Variants in STOML2 observed in about 807,000 individuals in gnomAD.
STOML2 encodes stomatin-like protein 2, mitochondrial.
STOML2 carries 22 observed loss-of-function variants against 45.7 expected under a neutral mutation model. That is an observed-to-expected ratio of 0.48 (90% CI 0.34 to 0.69). STOML2 has a LOEUF of 0.69. STOML2 is among the 30% of genes least tolerant of loss of function. The pLI is 0.01. For missense variants in STOML2, 359 were observed against 466.9 expected, an observed-to-expected ratio of 0.77 and a Z score of 2.13; for synonymous variants, 181 against 182.7, an observed-to-expected ratio of 0.99 and a Z score of 0.08.
rs144686869 is a variant in STOML2 at position 35,101,258 on chromosome 9, G to A, written c.601C>T (p.Arg201Trp). The change falls in exon 7 of 10, where the codon CGG (arginine) becomes TGG (tryptophan). Residue 201 changes from arginine to tryptophan, a missense_variant. Physicochemically the swap from Arg to Trp is moderately radical, Grantham distance 101. Transcript: ENST00000356493. This position sits in a 1 kb window ranked among gnomAD's most constrained non-coding sequence, Gnocchi z 4.3. ...QMQVEAERRKRATVLESEGTR... is the reference protein window; with the variant it reads ...QMQVEAERRKWATVLESEGTR... The stretch of plus-strand genomic sequence containing the variant: ...CCCTCAGACTCTAGAACTGTGGCCC[G>A]TTTCCGCCGCTCTGCCTCCACCTGG... 158 of 1,613,992 alleles carry A rather than the reference G, an allele frequency of 9.8e-5. No homozygotes were observed. Among genetic ancestry groups the A allele is most frequent in the Non-Finnish European group, 2.2e-5 (26 of 1,180,048 alleles).
At chr9:35,103,135 C>T, upstream of STOML2, 3 of 1,608,352 alleles carry the variant, frequency 1.9e-6, no homozygotes, top group Non-Finnish European at 8.5e-7. Flanking sequence ...ACGAGACGAG[C>T]GGAGCGGTCG....
chr9:35,101,644 T>G lies in STOML2; in HGVS notation c.444+66A>C. On this transcript the variant is annotated intron_variant, in intron 5 of 9. Transcript: ENST00000356493. The surrounding 1 kb of genome is among the most constrained non-coding windows in gnomAD (Gnocchi z 4.3). ...GAAGGGCCTGGGACTGATCTTGACCTTCAGAAAAGATTAAGAGTGTCAGGT... is the reference window on the plus strand; with the variant it reads ...GAAGGGCCTGGGACTGATCTTGACCGTCAGAAAAGATTAAGAGTGTCAGGT... 6.2e-7 allele frequency: 1 copy of G among 1,613,664 alleles called. No homozygotes were observed.
chr9:35,101,621 A>T lies in STOML2; in HGVS notation c.445-61T>A. The T allele has an allele frequency of 1.9e-6, 3 of 1,613,934 alleles. No individual in the cohort carries two copies. The highest frequency in any genetic ancestry group is 2.5e-6 in the Non-Finnish European group (3 of 1,179,994). ...TACCTATCAAGGGCCTACACTGAGA[A>T]GGGCCTGGGACTGATCTTGACCTTC... On this transcript the variant is annotated intron_variant, in intron 5 of 9. Transcript: ENST00000356493. The surrounding 1 kb of genome is among the most constrained non-coding windows in gnomAD (Gnocchi z 4.3).
rs1422415315 is a variant in STOML2, at chr9:35,100,924, C to T, written c.804+8G>A. 1.2e-6 allele frequency: 2 copies of T among 1,614,194 alleles called. No individual in the cohort carries two copies. Among genetic ancestry groups the T allele is most frequent in the Non-Finnish European group, 8.5e-7 (1 of 1,180,042 alleles). ...TCCTGTCCCCATTCCCACCCAGGGG[C>T]CTCTCACATGTTGTGTCAGAGCTGC... On this transcript the variant is annotated splice_region_variant and intron_variant, in intron 8 of 9. Coordinates refer to ENST00000356493, the MANE Select transcript of STOML2 (RefSeq NM_013442.3).
At position 35,101,358 on chromosome 9, in the gene STOML2, G is replaced by A. The variant is rs776661124; in HGVS notation, c.579+68C>T. ...TGCAACTCTACCCATCATAACAGGA[G>A]GGAAGTCTGGATCCTCCTGGTACTG... is the stretch of plus-strand genomic sequence containing the variant. On this transcript the variant is annotated intron_variant, in intron 6 of 9. Coordinates refer to ENST00000356493, the MANE Select transcript of STOML2 (RefSeq NM_013442.3). This position sits in a 1 kb window ranked among gnomAD's most constrained non-coding sequence, Gnocchi z 4.3. The A allele has an allele frequency of 4.2e-5, 68 of 1,609,284 alleles. No individual in the cohort carries two copies. Among genetic ancestry groups the A allele is most frequent in the African/African-American group, 6.8e-5 (5 of 73,902 alleles).
rs772218681 is a variant in STOML2 at position 35,101,940 on chromosome 9, A to G, written c.306T>C (p.Asp102=). Reference sequence around the variant, plus strand: ...CCATGATGCGCAGGTAAAGGACTCCATCGATTTGCAGAGTTACATTGTCTG... The same window carrying G: ...CCATGATGCGCAGGTAAAGGACTCCGTCGATTTGCAGAGTTACATTGTCTG... ...VTLDNVTLQI[D]GVLYLRIMDP... Residue 102 remains aspartate (D), a synonymous_variant, in exon 4 of 10, where the codon GAT becomes GAC. Transcript: ENST00000356493. The surrounding 1 kb of genome is among the most constrained non-coding windows in gnomAD (Gnocchi z 4.3). 1.2e-6 allele frequency: 2 copies of G among 1,614,142 alleles called. No homozygotes were observed. The highest frequency in any genetic ancestry group is 1.7e-6 in the Non-Finnish European group (2 of 1,180,022).
chr9:35,102,366 G>A lies in STOML2; in HGVS notation c.184-172C>T, dbSNP rs1213861217. 1.5e-6 allele frequency: 1 copy of A among 674,582 alleles called. No individual in the cohort carries two copies. The highest frequency in any genetic ancestry group is 2.5e-6 in the Non-Finnish European group (1 of 401,136). The allele number at this position is 674,582 out of a possible 1,614,324, so 41.8% of individuals were successfully genotyped here. ...AGGTGTCACTGGTAAGAAAACCCAA[G>A]AGAACAGGAATGCAAGACTAGGCCC... is the stretch of plus-strand genomic sequence containing the variant. On this transcript the variant is annotated intron_variant, in intron 2 of 9. Coordinates refer to ENST00000356493, the MANE Select transcript of STOML2 (RefSeq NM_013442.3). This position sits in a 1 kb window ranked among gnomAD's most constrained non-coding sequence, Gnocchi z 4.8.
Position 35,101,538 on chromosome 9 carries a change from C to T in STOML2, c.467G>A (p.Ser156Asn), listed in dbSNP as rs1470694254. ...AGCTTGGTTGATGGCATCCACAATG[C>T]TGGCATTCAGGGACTCCCGTTCCTG... ...VFRERESLNASIVDAINQAAD... is the reference protein window; with the variant it reads ...VFRERESLNANIVDAINQAAD... The change falls in exon 6 of 10, where the codon AGC (serine) becomes AAC (asparagine). Residue 156 changes from serine to asparagine, a missense_variant. Coordinates refer to ENST00000356493, the MANE Select transcript of STOML2 (RefSeq NM_013442.3). The surrounding 1 kb of genome is among the most constrained non-coding windows in gnomAD (Gnocchi z 4.3). 1 of 1,614,130 alleles carries T rather than the reference C, an allele frequency of 6.2e-7. No homozygotes were observed. The highest frequency in any genetic ancestry group is 1.1e-5 in the South Asian group (1 of 91,086).
At chr9:35,100,515 A>G (rs901808167) in intron 9 of STOML2, 83 bp downstream of exon 9, 8 of 1,580,314 alleles carry the variant, frequency 5.1e-6, no homozygotes, top group African/African-American at 1.3e-5. Context: ...CCTTTATGGT[A>G]TGTAAGTGTT....
rs1829825999 is a variant in STOML2, at chr9:35,101,880, C to A, written c.342+24G>T. The stretch of plus-strand genomic sequence containing the variant: ...TTAGTGAAGAGGGCAACTCAAAAGG[C>A]TGGATAAAGTAGGGGACAGGTACCT... On this transcript the variant is annotated intron_variant, in intron 4 of 9. Coordinates refer to ENST00000356493, the MANE Select transcript of STOML2 (RefSeq NM_013442.3). This position sits in a 1 kb window ranked among gnomAD's most constrained non-coding sequence, Gnocchi z 4.3. The A allele has an allele frequency of 1.2e-6, 2 of 1,614,080 alleles. No individual in the cohort carries two copies. Among genetic ancestry groups the A allele is most frequent in the East Asian group, 4.5e-5 (2 of 44,868 alleles).
Position 35,101,992 on chromosome 9 carries a change from G to A in STOML2, c.284-30C>T, listed in dbSNP as rs1178301176. 6.2e-7 allele frequency: 1 copy of A among 1,614,062 alleles called. No individual in the cohort carries two copies. The highest frequency in any genetic ancestry group is 1.7e-5 in the Admixed American group (1 of 60,020). On this transcript the variant is annotated intron_variant, in intron 3 of 9. Transcript: ENST00000356493. The surrounding 1 kb of genome is among the most constrained non-coding windows in gnomAD (Gnocchi z 4.3). ...AGAACCAGGAGAGAAAACGGGGAAA[G>A]TCAGGCCTCTAGGTCCCAACCAGTT...
At position 35,101,109 on chromosome 9, in the gene STOML2, T is replaced by A. The variant is rs1178940623; in HGVS notation, c.724+26A>T. On this transcript the variant is annotated intron_variant, in intron 7 of 9. Coordinates refer to ENST00000356493, the MANE Select transcript of STOML2 (RefSeq NM_013442.3). The surrounding 1 kb of genome is among the most constrained non-coding windows in gnomAD (Gnocchi z 4.3). Reference sequence around the variant, plus strand: ...TCTTCAAAGGCCCATGCCTTGCTCCTCCCTCAGCCTCTACCCTCTCCTGAC... The same window carrying A: ...TCTTCAAAGGCCCATGCCTTGCTCCACCCTCAGCCTCTACCCTCTCCTGAC... 6.2e-7 allele frequency: 1 copy of A among 1,614,046 alleles called. No individual in the cohort carries two copies. Among genetic ancestry groups the A allele is most frequent in the East Asian group, 2.2e-5 (1 of 44,878 alleles).
intron 9 of STOML2, 52 bp downstream of exon 9, chr9:35,100,546 A>G (rs1490154242): frequency 1.3e-6 from 2 of 1,584,406 alleles, no homozygotes; most frequent in Admixed American, 1.7e-5. Flanking sequence ...GTGGGGTCTC[A>G]GTTTGGTCCC....
chr9:35,101,847 A>G lies in STOML2; in HGVS notation c.343-36T>C. On this transcript the variant is annotated intron_variant, in intron 4 of 9. Transcript: ENST00000356493. This position sits in a 1 kb window ranked among gnomAD's most constrained non-coding sequence, Gnocchi z 4.3. Reference sequence around the variant, plus strand: ...CACGGATAGTGTAAGAAGCTTGGGCACAAGATTTTAGTGAAGAGGGCAACT... The same window carrying G: ...CACGGATAGTGTAAGAAGCTTGGGCGCAAGATTTTAGTGAAGAGGGCAACT... The G allele has an allele frequency of 6.2e-7, 1 of 1,614,172 alleles. No individual in the cohort carries two copies. The highest frequency in any genetic ancestry group is 8.5e-7 in the Non-Finnish European group (1 of 1,180,010).
chr9:35,102,485 TC>T lies in STOML2; in HGVS notation c.183+200del, dbSNP rs890183964. The stretch of plus-strand genomic sequence containing the variant: ...AGGGCTGAGAGTGGGCAGGGGAGAT[TC>T]CCAAGAATGGGGCCTGTGAGATGCA... On this transcript the variant is annotated intron_variant, in intron 2 of 9. Transcript: ENST00000356493. This position sits in a 1 kb window ranked among gnomAD's most constrained non-coding sequence, Gnocchi z 4.8. 2 of 868,502 alleles carry T rather than the reference TC, an allele frequency of 2.3e-6. No homozygotes were observed. Among genetic ancestry groups the T allele is most frequent in the African/African-American group, 3.4e-5 (2 of 59,032 alleles). The allele number at this position is 868,502 out of a possible 1,614,324, so 53.8% of individuals were successfully genotyped here.
In STOML2 at chr9:35,101,691, C is replaced by T; in HGVS notation, c.444+19G>A. On this transcript the variant is annotated intron_variant, in intron 5 of 9. Coordinates refer to ENST00000356493, the MANE Select transcript of STOML2 (RefSeq NM_013442.3). This position sits in a 1 kb window ranked among gnomAD's most constrained non-coding sequence, Gnocchi z 4.3. ...AGGTTTGTGTCTTCAAACCCTAACTCTGGCTCAGATCTGCTTACCCGGAAG... is the reference window on the plus strand; with the variant it reads ...AGGTTTGTGTCTTCAAACCCTAACTTTGGCTCAGATCTGCTTACCCGGAAG... The T allele has an allele frequency of 6.2e-7, 1 of 1,614,148 alleles. No individual in the cohort carries two copies. Among genetic ancestry groups the T allele is most frequent in the Non-Finnish European group, 8.5e-7 (1 of 1,180,010 alleles).
chr9:35,101,068 C>G lies in STOML2; in HGVS notation c.725-57G>C. Reference sequence around the variant, plus strand: ...CATGAAGTCAAAGTACCCCAAAGATCCTGCCCCAGCACCAATCTTCAAAGG... The same window carrying G: ...CATGAAGTCAAAGTACCCCAAAGATGCTGCCCCAGCACCAATCTTCAAAGG... On this transcript the variant is annotated intron_variant, in intron 7 of 9. Transcript: ENST00000356493. The surrounding 1 kb of genome is among the most constrained non-coding windows in gnomAD (Gnocchi z 4.3). 1.2e-6 allele frequency: 2 copies of G among 1,612,398 alleles called. No individual in the cohort carries two copies. The highest frequency in any genetic ancestry group is 1.1e-5 in the South Asian group (1 of 90,974).
rs1003442289 is a variant in STOML2 at position 35,099,921 on chromosome 9, A to G, written c.*114T>C. 28 of 1,354,654 alleles carry G rather than the reference A, an allele frequency of 2.1e-5. No individual in the cohort carries two copies. The highest frequency in any genetic ancestry group is 2.6e-5 in the Non-Finnish European group (26 of 989,970). The allele number at this position is 1,354,654 out of a possible 1,614,324, so 83.9% of individuals were successfully genotyped here. On this transcript the variant is annotated 3_prime_UTR_variant, in exon 10 of 10. Transcript: ENST00000356493. ...GGTTTGCCACTGGTGAGTTTATTACACGACTAAAGTTCAAATAAAAAAATA... is the reference window on the plus strand; with the variant it reads ...GGTTTGCCACTGGTGAGTTTATTACGCGACTAAAGTTCAAATAAAAAAATA...
Position 35,099,919 on chromosome 9 carries a change from A to T in STOML2, c.*116T>A. On this transcript the variant is annotated 3_prime_UTR_variant, in exon 10 of 10. Coordinates refer to ENST00000356493, the MANE Select transcript of STOML2 (RefSeq NM_013442.3). ...CTGGTTTGCCACTGGTGAGTTTATT[A>T]CACGACTAAAGTTCAAATAAAAAAA... is the stretch of plus-strand genomic sequence containing the variant. 1 of 1,331,634 alleles carries T rather than the reference A, an allele frequency of 7.5e-7. No individual in the cohort carries two copies. The highest frequency in any genetic ancestry group is 1.0e-6 in the Non-Finnish European group (1 of 970,142). 82.5% of individuals were successfully genotyped at this position (1,331,634 alleles called of 1,614,324 possible). A position where few individuals can be genotyped will look rare whatever the true frequency, so the allele number is the denominator to read the frequency against.
Sources: allele counts gnomAD v4.1 joint callset, GRCh38; gene constraint gnomAD v4.1.1; non-coding constraint Gnocchi (gnomAD v3.1); transcripts MANE v1.5; gene names NCBI Gene and HGNC (gene_info 2026-07-23, HGNC 2026-07-21).